The following RNF217 variants were observed in gnomAD, a reference collection of about 807,000 sequenced individuals.
The protein encoded by RNF217 is E3 ubiquitin-protein ligase RNF217.
Under a neutral mutation model 57.8 loss-of-function variants are expected in RNF217, and 31 were observed. The observed-to-expected ratio is 0.54, with a 90% CI of 0.40 to 0.72. RNF217 has a LOEUF of 0.72. Among genes scored for constraint, RNF217 ranks in the 30% least tolerant of loss-of-function variants. The probability of loss-of-function intolerance (pLI) is 0.00; values close to 1 mark genes in which losing one functional copy is unlikely to be tolerated. For missense variants in RNF217, 696 were observed against 708.3 expected (o/e 0.98, Z 0.20); for synonymous variants, 313 against 294.0 (o/e 1.06, Z -0.66).
At chr6:124,975,706 G>A (rs1562448186) in intron 1 of RNF217, among the ~76,000 whole-genome samples, 2 of 151,896 alleles carry the variant, frequency 1.3e-5, no homozygotes, top group Non-Finnish European at 2.9e-5. Context: ...CGAAGTGCTG[G>A]GGTTACAAGT....
intron 1 of RNF217, among the ~76,000 whole-genome samples, chr6:125,001,045 T>C (rs1339031104): frequency 6.6e-6 from 1 of 152,200 alleles, no homozygotes; most frequent in Non-Finnish European, 1.5e-5. Flanking sequence ...TCAAAGATTA[T>C]GTTTTACTTA....
chr6:125,071,482 ATATGTGTGTGTG>A (rs1485369365), intron 3 of RNF217, among the ~76,000 whole-genome samples: 12 of 122,368 alleles, frequency 9.8e-5, no homozygotes, highest in African/African-American at 3.3e-4. Flanking sequence ...ATCTGCCTAC[ATATGTGTGTGTG>A]TGTGTGTGTG....
intron 2 of RNF217, among the ~76,000 whole-genome samples, chr6:125,051,467 A>G (rs1361066223): frequency 2.0e-5 from 3 of 152,012 alleles, no homozygotes; most frequent in Non-Finnish European, 4.4e-5. Context: ...CTACCTTTCC[A>G]TATTTACTTA....
At chr6:124,998,922 T>C (rs775654298) in intron 1 of RNF217, among the ~76,000 whole-genome samples, 15 of 152,238 alleles carry the variant, frequency 9.9e-5, no homozygotes, top group Non-Finnish European at 1.9e-4. Context: ...TTACATGTAA[T>C]AGGCCCTGAA....
chr6:125,043,169 G>A (rs949862424), intron 1 of RNF217, among the ~76,000 whole-genome samples: 3 of 151,944 alleles, frequency 2.0e-5, no homozygotes, highest in Admixed American at 6.6e-5. Flanking sequence ...TTTAAGAGCC[G>A]TCCCAAGGCT....
rs975399225 is a variant in RNF217 at position 125,085,441 on chromosome 6, T to G, written c.*2504T>G. On this transcript the variant is annotated 3_prime_UTR_variant, in exon 6 of 6. Coordinates refer to ENST00000521654, the MANE Select transcript of RNF217 (RefSeq NM_001286398.3). ...TAACTTAAAATGATTATTTGTGAAT[T>G]TTTTACTAAGTTTCATCAAGATCTT... 6.6e-6 allele frequency: 1 copy of G among 151,892 alleles called. No homozygotes were observed. 9.4% of individuals were successfully genotyped at this position (151,892 alleles called of 1,614,324 possible). A position where few individuals can be genotyped will look rare whatever the true frequency, so the allele number is the denominator to read the frequency against.
At chr6:125,054,279 G>A (rs558430334) in intron 2 of RNF217, among the ~76,000 whole-genome samples, 1 of 152,310 alleles carries the variant, frequency 6.6e-6, no homozygotes, top group South Asian at 2.1e-4. Flanking sequence ...CCAGTTACCA[G>A]AAGCAGAAAT....
At chr6:124,999,527 T>C (rs1403165517) in intron 1 of RNF217, among the ~76,000 whole-genome samples, 4 of 152,124 alleles carry the variant, frequency 2.6e-5, no homozygotes, top group African/African-American at 9.7e-5. Context: ...TTGTAGAAAA[T>C]GCACTGTACT....
intron 3 of RNF217, among the ~76,000 whole-genome samples, chr6:125,059,369 A>G (rs987436333): frequency 6.6e-6 from 1 of 152,124 alleles, no homozygotes; most frequent in African/African-American, 2.4e-5. Context: ...TTTTCATTCC[A>G]TTAAAGAACA....
At chr6:125,052,320 G>GTGTGTGTGTGTGT (rs1554291658) in intron 2 of RNF217, among the ~76,000 whole-genome samples, 6 of 141,418 alleles carry the variant, frequency 4.2e-5, no homozygotes, top group African/African-American at 1.2e-4. Flanking sequence ...GTGTGTGTGT[G>GTGTGTGTGTGTGT]GTTTTATTTG....
At chr6:125,016,598 G>A (rs533337374) in intron 1 of RNF217, among the ~76,000 whole-genome samples, 121 of 152,178 alleles carry the variant, frequency 8.0e-4, no homozygotes, top group South Asian at 2.1e-3. Flanking sequence ...TAAAGAAAAT[G>A]TGGCACATAA....
intron 1 of RNF217, among the ~76,000 whole-genome samples, chr6:125,032,639 G>T (rs1212800477): frequency 1.3e-5 from 2 of 152,074 alleles, no homozygotes; most frequent in Non-Finnish European, 2.9e-5. Context: ...CAACCATTTT[G>T]TGGGGTGAAT....
intron 3 of RNF217, among the ~76,000 whole-genome samples, chr6:125,059,340 G>T (rs529433539): frequency 3.3e-5 from 5 of 151,992 alleles, no homozygotes; most frequent in African/African-American, 1.2e-4. Flanking sequence ...TCACTGCATC[G>T]GTTGCTCAGT....
Position 125,091,571 on chromosome 6 carries a change from G to A in RNF217, c.*8634G>A, listed in dbSNP as rs541362431. 9 of 152,156 alleles carry A rather than the reference G, an allele frequency of 5.9e-5. No individual in the cohort carries two copies. Among genetic ancestry groups the A allele is most frequent in the Admixed American group, 3.9e-4 (6 of 15,270 alleles). 9.4% of individuals were successfully genotyped at this position (152,156 alleles called of 1,614,324 possible). ...TGGATATTAAACACCAGAAATTAAA[G>A]CCATTAAAATTGAATTGTACTTTAA... On this transcript the variant is annotated 3_prime_UTR_variant, in exon 6 of 6. Transcript: ENST00000521654.
intron 1 of RNF217, among the ~76,000 whole-genome samples, chr6:124,997,702 A>G (rs1356507281): frequency 6.6e-6 from 1 of 152,172 alleles, no homozygotes; most frequent in Non-Finnish European, 1.5e-5. Flanking sequence ...GTTTCAGGGT[A>G]AATCCTGCAT....
chr6:124,963,166 C>G lies in RNF217; in HGVS notation c.622C>G (p.Arg208Gly), dbSNP rs2114965210. The change falls in exon 1 of 6, where the codon CGA becomes GGA. Residue 208 changes from arginine (R) to glycine (G), a missense_variant. Physicochemically the swap from Arg to Gly is moderately radical, Grantham distance 125. Around this residue, in one of 2 missense-constraint regions of RNF217, gnomAD observed 465 missense variants for 386.8 expected, o/e 1.20. Coordinates refer to ENST00000521654, the MANE Select transcript of RNF217 (RefSeq NM_001286398.3). The stretch of plus-strand genomic sequence containing the variant: ...CACCCGCTCTTCCTTCCCCAGCCCC[C>G]GACTGTCCCTCCCAACGGATTCCCT... ...PSTRSSFPSP[R>G]LSLPTDSLSP... The G allele has an allele frequency of 6.5e-7, 1 of 1,535,650 alleles. No individual in the cohort carries two copies. Among genetic ancestry groups the G allele is most frequent in the Non-Finnish European group, 8.7e-7 (1 of 1,146,736 alleles).
rs1264169124 is a variant in RNF217 at position 125,087,935 on chromosome 6, G to C, written c.*4998G>C. 1 of 149,294 alleles carries C rather than the reference G, an allele frequency of 6.7e-6. No homozygotes were observed. Among genetic ancestry groups the C allele is most frequent in the African/African-American group, 2.5e-5 (1 of 40,524 alleles). 9.2% of individuals were successfully genotyped at this position (149,294 alleles called of 1,614,324 possible). A position where few individuals can be genotyped will look rare whatever the true frequency, so the allele number is the denominator to read the frequency against. ...TACCAGTTTTGCACACCAATCCCAAGTTTAAGCATATTTTGTATTTAAAGT... is the reference window on the plus strand; with the variant it reads ...TACCAGTTTTGCACACCAATCCCAACTTTAAGCATATTTTGTATTTAAAGT... On this transcript the variant is annotated 3_prime_UTR_variant, in exon 6 of 6. Transcript: ENST00000521654.
At chr6:124,997,678 A>G (rs1020835480) in intron 1 of RNF217, among the ~76,000 whole-genome samples, 6 of 152,166 alleles carry the variant, frequency 3.9e-5, no homozygotes, top group African/African-American at 1.2e-4. Flanking sequence ...TGGCGATGAG[A>G]TACCTGGACA....
intron 1 of RNF217, chr6:124,983,529 C>T: frequency 2.1e-6 from 2 of 974,360 alleles, no homozygotes; most frequent in Non-Finnish European, 2.4e-6. Flanking sequence ...AAGGTAGATA[C>T]TAAATACTGA....
Sources: gnomAD v4.1 joint callset for allele counts (sites outside exome capture counted in the v4.1 genomes callset) on GRCh38, gnomAD v4.1.1 for gene constraint, gnomAD v4.1.1 regional missense constraint, MANE v1.5 for transcripts, NCBI Gene and HGNC (gene_info 2026-07-23, HGNC 2026-07-21) for gene names.